Variants in ZNF385B observed in about 807,000 individuals in gnomAD.
The protein encoded by ZNF385B is zinc finger protein 385B.
Under a neutral mutation model 39.2 loss-of-function variants are expected in ZNF385B, and 23 were observed. The observed-to-expected ratio is 0.59, with a 90% CI of 0.42 to 0.83. ZNF385B has a LOEUF of 0.83. Among genes scored for constraint, ZNF385B ranks in the 40% least tolerant of loss-of-function variants. The probability of loss-of-function intolerance (pLI) is 0.00; values close to 1 mark genes in which losing one functional copy is unlikely to be tolerated. For missense variants in ZNF385B, 552 were observed against 598.9 expected (o/e 0.92, Z 0.82); for synonymous variants, 205 against 222.6 (o/e 0.92, Z 0.70).
intron 3 of ZNF385B, among the ~76,000 whole-genome samples, chr2:179,663,657 CCGAGATCGCGCCG>C (rs200568934): frequency 0.041 from 5,935 of 143,576 alleles, 159 homozygotes; most frequent in Middle Eastern, 0.061. Context: ...TTGCAGTGAG[CCGAGATCGCGCCG>C]CTGCATTCCA....
intron 3 of ZNF385B, among the ~76,000 whole-genome samples, chr2:179,640,821 C>T (rs953143874): frequency 1.3e-5 from 2 of 152,244 alleles, no homozygotes; most frequent in African/African-American, 2.4e-5. Context: ...CATATTTTAA[C>T]GTTAGCCTGA....
intron 1 of ZNF385B, among the ~76,000 whole-genome samples, chr2:179,825,248 G>A (rs1707614646): frequency 6.6e-6 from 1 of 152,074 alleles, no homozygotes. Context: ...GTCCTTTATA[G>A]GACAGATGAA....
chr2:179,540,088 AAC>A, intron 4 of ZNF385B, among the ~76,000 whole-genome samples: 1 of 152,302 alleles, frequency 6.6e-6, no homozygotes, highest in South Asian at 2.1e-4. Flanking sequence ...ACACCAGCCA[AAC>A]AGAGAGAGCT....
chr2:179,614,419 C>T (rs1689560738), intron 3 of ZNF385B, among the ~76,000 whole-genome samples: 2 of 152,166 alleles, frequency 1.3e-5, no homozygotes, highest in African/African-American at 2.4e-5. Context: ...TCCTAGATGA[C>T]TTTTAGCAGT....
At chr2:179,615,737 C>G (rs1223849202) in intron 3 of ZNF385B, among the ~76,000 whole-genome samples, 1 of 152,148 alleles carries the variant, frequency 6.6e-6, no homozygotes, top group Non-Finnish European at 1.5e-5. Flanking sequence ...ATACACAAGC[C>G]TTGACCTTAC....
chr2:179,834,267 A>G (rs1708132801), intron 1 of ZNF385B, among the ~76,000 whole-genome samples: 1 of 152,178 alleles, frequency 6.6e-6, no homozygotes, highest in South Asian at 2.1e-4. Flanking sequence ...ACTCCCCATT[A>G]GAAGAAGCCA....
At chr2:179,628,328 T>C (rs1267719822) in intron 3 of ZNF385B, among the ~76,000 whole-genome samples, 1 of 152,220 alleles carries the variant, frequency 6.6e-6, no homozygotes, top group Admixed American at 6.5e-5. Context: ...TTTTAATCTG[T>C]TAATTAATTT....
chr2:179,471,181 G>T (rs2052732596), intron 6 of ZNF385B, among the ~76,000 whole-genome samples: 1 of 152,168 alleles, frequency 6.6e-6, no homozygotes, highest in African/African-American at 2.4e-5. Context: ...AATTGGGCAA[G>T]AAATAGATAT....
At chr2:179,744,312 ATT>A (rs3215240) in intron 3 of ZNF385B, among the ~76,000 whole-genome samples, 5 of 145,344 alleles carry the variant, frequency 3.4e-5, no homozygotes, top group Non-Finnish European at 6.1e-5. Context: ...CCATCTCTCC[ATT>A]TTTTTTTTTT....
rs192183387 is a variant in ZNF385B at position 179,705,716 on chromosome 2, A to G, written c.298+63787T>C. On this transcript the variant is annotated intron_variant, in intron 3 of 9. Transcript: ENST00000410066. ...GACCAAGGGTTAGCACACTTTGTCT[A>G]TAACAGATCAGAGAGCAAATATCTT... Among the ~76,000 whole-genome samples, 18 of 152,378 alleles carry G rather than the reference A, an allele frequency of 1.2e-4. No individual in the cohort carries two copies. The East Asian group carries it at 3.1e-3, about 26-fold the overall frequency.
intron 3 of ZNF385B, among the ~76,000 whole-genome samples, chr2:179,737,712 T>C (rs1379511329): frequency 1.3e-5 from 2 of 152,230 alleles, no homozygotes; most frequent in African/African-American, 4.8e-5. Context: ...CTCCACTTGC[T>C]ATGCAAAAAC....
At chr2:179,546,822 T>C (rs988386707) in intron 3 of ZNF385B, among the ~76,000 whole-genome samples, 8 of 149,442 alleles carry the variant, frequency 5.4e-5, no homozygotes, top group Non-Finnish European at 1.2e-4. Flanking sequence ...CCTTAGTGGC[T>C]GTGTTAATTT....
intron 3 of ZNF385B, among the ~76,000 whole-genome samples, chr2:179,586,855 G>A (rs1036642716): frequency 1.3e-5 from 2 of 152,044 alleles, no homozygotes; most frequent in Non-Finnish European, 2.9e-5. Context: ...TGATCAACAT[G>A]GTGAAACCCT....
chr2:179,451,343 T>C (rs10192549), intron 6 of ZNF385B, among the ~76,000 whole-genome samples: 21,732 of 151,780 alleles, frequency 0.14, 1,663 homozygotes, highest in Non-Finnish European at 0.16. Flanking sequence ...ACCTAGGTAT[T>C]AGAAATCTTG....
At chr2:179,680,510 C>T (rs897966787) in intron 3 of ZNF385B, among the ~76,000 whole-genome samples, 4 of 152,062 alleles carry the variant, frequency 2.6e-5, no homozygotes, top group Admixed American at 1.3e-4. Flanking sequence ...ACAGAGCATA[C>T]GGGGACCTTC....
intron 5 of ZNF385B, among the ~76,000 whole-genome samples, chr2:179,499,240 T>G (rs1214762568): frequency 6.6e-6 from 1 of 151,832 alleles, no homozygotes; most frequent in Non-Finnish European, 1.5e-5. Flanking sequence ...TACCAAACAT[T>G]GAAAGAACTA....
chr2:179,774,584 C>T (rs1399881738), intron 1 of ZNF385B, among the ~76,000 whole-genome samples: 2 of 152,086 alleles, frequency 1.3e-5, no homozygotes. Flanking sequence ...GTCTTGATCT[C>T]CTGACCTTGT....
In ZNF385B at chr2:179,443,192, C is replaced by T. The variant is rs1574142143; in HGVS notation, c.*58G>A. ...CACAAACTGCTTAAATTGCTGAATC[C>T]TTGTGGCTTTCTTTCTCAACTTCCT... On this transcript the variant is annotated 3_prime_UTR_variant, in exon 10 of 10. Transcript: ENST00000410066. The T allele has an allele frequency of 2.5e-6, 4 of 1,600,262 alleles. No individual in the cohort carries two copies. The highest frequency in any genetic ancestry group is 1.3e-5 in the African/African-American group (1 of 74,720).
At chr2:179,858,352 C>T (rs1684766915) in intron 1 of ZNF385B, among the ~76,000 whole-genome samples, 3 of 152,122 alleles carry the variant, frequency 2.0e-5, no homozygotes, top group Admixed American at 2.0e-4. Flanking sequence ...AGTTGAGGCA[C>T]ATAAGAGCAA....
Sources: allele counts gnomAD v4.1 joint callset (sites outside exome capture counted in the v4.1 genomes callset), GRCh38; gene constraint gnomAD v4.1.1; transcripts MANE v1.5; gene names NCBI Gene and HGNC (gene_info 2026-07-23, HGNC 2026-07-21).